The following MAPK10 variants were observed in gnomAD, a reference collection of about 807,000 sequenced individuals.
MAPK10 encodes JNK3 alpha protein kinase.
Under a neutral mutation model 59.3 loss-of-function variants are expected in MAPK10, and 25 were observed. The ratio of observed to expected loss-of-function variants is 0.42; its 90% confidence interval spans 0.31 to 0.59. MAPK10 has a LOEUF of 0.59. Among genes scored for constraint, MAPK10 ranks in the 20% least tolerant of loss-of-function variants. The pLI, the probability that MAPK10 is intolerant of heterozygous loss-of-function variation, is 0.15. For missense variants in MAPK10, 351 were observed against 568.9 expected, an observed-to-expected ratio of 0.62 and a Z score of 3.90; for synonymous variants, 190 against 200.5, an observed-to-expected ratio of 0.95 and a Z score of 0.44.
intron 9 of MAPK10, among the ~76,000 whole-genome samples, chr4:86,092,926 C>T (rs1227577101): frequency 6.6e-6 from 1 of 151,990 alleles, no homozygotes; most frequent in African/African-American, 2.4e-5. Context: ...GCAACTGTAA[C>T]AATCAGATGC....
At chr4:86,042,302 A>G (rs576526969) in intron 11 of MAPK10, among the ~76,000 whole-genome samples, 290 of 152,308 alleles carry the variant, frequency 1.9e-3, no homozygotes, top group African/African-American at 6.6e-3. Flanking sequence ...GGAGGAGAAC[A>G]TCACACACCA....
chr4:86,449,965 G>A (rs959332120), intron 1 of MAPK10, among the ~76,000 whole-genome samples: 3 of 152,314 alleles, frequency 2.0e-5, no homozygotes, highest in Non-Finnish European at 4.4e-5. Context: ...AACAGTCACA[G>A]GAGCTTGAAA....
At chr4:86,573,829 CT>C (rs1340235011) in intron 1 of MAPK10, among the ~76,000 whole-genome samples, 2 of 152,016 alleles carry the variant, frequency 1.3e-5, no homozygotes, top group African/African-American at 4.8e-5. Context: ...ATTATTCATC[CT>C]TTTTGATGCT....
At chr4:86,542,678 C>T (rs1578054470) in intron 1 of MAPK10, 1 of 154,456 alleles carries the variant, frequency 6.5e-6, no homozygotes, top group South Asian at 2.0e-4. Flanking sequence ...GCTCAGGTTC[C>T]AACTGTCAAC....
intron 2 of MAPK10, among the ~76,000 whole-genome samples, chr4:86,290,491 T>A (rs1023855045): frequency 6.6e-6 from 1 of 152,240 alleles, no homozygotes; most frequent in African/African-American, 2.4e-5. Flanking sequence ...CAGTTATCTG[T>A]ATCCCCTCTC....
intron 1 of MAPK10, among the ~76,000 whole-genome samples, chr4:86,528,354 A>C (rs1757628267): frequency 6.6e-6 from 1 of 152,146 alleles, no homozygotes; most frequent in South Asian, 2.1e-4. Context: ...GAAAAAAAAA[A>C]CAACATAAAA....
chr4:86,425,041 C>T (rs1016884647), intron 1 of MAPK10, among the ~76,000 whole-genome samples: 4 of 151,922 alleles, frequency 2.6e-5, no homozygotes, highest in African/African-American at 9.7e-5. Context: ...TGTTCAAGGT[C>T]AAGAGGAAGA....
At position 86,569,138 on chromosome 4, in the gene MAPK10, G is replaced by A. The variant is rs896724971; in HGVS notation, c.-263+24772C>T. 2.6e-5 allele frequency among the ~76,000 whole-genome samples: 4 copies of A among 152,098 alleles called. No homozygotes were observed. The South Asian group carries it at 8.3e-4, about 32-fold the overall frequency. ...ATAACTCCACTAAAAAGTAGGCAGA[G>A]GACGTGAACAGACACTTATCAAAAA... is the stretch of plus-strand genomic sequence containing the variant. On this transcript the variant is annotated intron_variant, in intron 1 of 4. Transcript: ENST00000502302.
At chr4:86,418,293 AT>A (rs1482696551) in intron 1 of MAPK10, among the ~76,000 whole-genome samples, 1 of 152,072 alleles carries the variant, frequency 6.6e-6, no homozygotes, top group East Asian at 1.9e-4. Flanking sequence ...TGTGTTTGCT[AT>A]TTCTAAATCA....
upstream of MAPK10, among the ~76,000 whole-genome samples, chr4:86,362,324 CA>C (rs1737138802): frequency 6.6e-6 from 1 of 151,534 alleles, no homozygotes; most frequent in Admixed American, 6.6e-5. Flanking sequence ...AAATATATAA[CA>C]CTATTAAAAT....
At chr4:86,028,943 T>A in intron 13 of MAPK10, 1 of 493,834 alleles carries the variant, frequency 2.0e-6, no homozygotes, top group Non-Finnish European at 3.7e-6. Context: ...TGTTAACATT[T>A]TCTTCAGGAT....
At chr4:86,532,216 C>T (rs1460295233) in intron 1 of MAPK10, among the ~76,000 whole-genome samples, 1 of 151,896 alleles carries the variant, frequency 6.6e-6, no homozygotes, top group Non-Finnish European at 1.5e-5. Flanking sequence ...AGACTTTGTG[C>T]TTCACACTAC....
chr4:86,298,976 C>T (rs1430194240), intron 2 of MAPK10, among the ~76,000 whole-genome samples: 2 of 152,210 alleles, frequency 1.3e-5, no homozygotes, highest in African/African-American at 2.4e-5. Flanking sequence ...ATAGTTGGTG[C>T]TAATGTAACC....
In MAPK10 at chr4:86,060,545, C is replaced by CA. The variant is rs11464313; in HGVS notation, c.1110+3720dup. On this transcript the variant is annotated intron_variant, in intron 11 of 13. Transcript: ENST00000641462. The stretch of plus-strand genomic sequence containing the variant: ...GCTCCACTCTCAGTGGTAAAGCCAC[C>CA]ACTGGATCCTAGCAGGGTGCCTAAA... Among the ~76,000 whole-genome samples, 1,449 of 152,186 alleles carry CA rather than the reference C, an allele frequency of 9.5e-3. 29 individuals carry two copies. The highest frequency in any genetic ancestry group is 0.033 in the African/African-American group (1,361 of 41,512).
intron 2 of MAPK10, among the ~76,000 whole-genome samples, chr4:86,345,205 T>C (rs1368944252): frequency 6.6e-6 from 1 of 152,146 alleles, no homozygotes; most frequent in Non-Finnish European, 1.5e-5. Context: ...CGTAGCTGCT[T>C]TGCATCCTCA....
At chr4:86,467,637 A>G (rs1365880286) in intron 1 of MAPK10, among the ~76,000 whole-genome samples, 1 of 152,100 alleles carries the variant, frequency 6.6e-6, no homozygotes, top group Non-Finnish European at 1.5e-5. Context: ...CTCCTGCCTC[A>G]GCCTCCTGAG....
intron 1 of MAPK10, among the ~76,000 whole-genome samples, chr4:86,476,153 C>G (rs568363040): frequency 5.3e-5 from 8 of 152,192 alleles, no homozygotes; most frequent in African/African-American, 1.4e-4. Flanking sequence ...TCCCACCTGT[C>G]CCCTCAGTCC....
intron 1 of MAPK10, among the ~76,000 whole-genome samples, chr4:86,581,461 T>C (rs1409952322): frequency 6.6e-6 from 1 of 152,172 alleles, no homozygotes; most frequent in Non-Finnish European, 1.5e-5. Context: ...ATACAAATTA[T>C]ATTAGTGCTG....
At chr4:86,555,169 C>T (rs1228553715) in intron 1 of MAPK10, among the ~76,000 whole-genome samples, 2 of 152,124 alleles carry the variant, frequency 1.3e-5, no homozygotes, top group Non-Finnish European at 2.9e-5. Context: ...AGGGATCTGC[C>T]GGGCACGGTG....
Sources: gnomAD v4.1 joint callset for allele counts (sites outside exome capture counted in the v4.1 genomes callset) on GRCh38, gnomAD v4.1.1 for gene constraint, MANE v1.5 for transcripts, NCBI Gene and HGNC (gene_info 2026-07-23, HGNC 2026-07-21) for gene names.